STT3B: variants seen among roughly 807,000 people sequenced by gnomAD.
STT3B encodes the protein dolichyl-diphosphooligosaccharide--protein glycosyltransferase subunit STT3B.
A neutral mutation model predicts 96.8 loss-of-function variants in STT3B; 29 were observed. That is an observed-to-expected ratio of 0.30 (90% CI 0.22 to 0.41). The LOEUF is 0.41. Among genes scored for constraint, STT3B ranks in the 10% least tolerant of loss-of-function variants. The pLI, the probability that STT3B is intolerant of heterozygous loss-of-function variation, is 1.00. For missense variants in STT3B, 640 were observed against 1,022.3 expected (o/e 0.63, Z 5.10); for synonymous variants, 367 against 360.0 (o/e 1.02, Z -0.22).
chr3:31,562,244 C>G (rs1697897552), intron 1 of STT3B, among the ~76,000 whole-genome samples: 1 of 152,082 alleles, frequency 6.6e-6, no homozygotes, highest in African/African-American at 2.4e-5. Flanking sequence ...TCCCTGGAAC[C>G]TAAGTGTCTG....
At chr3:31,544,638 C>T (rs1276655159) in intron 1 of STT3B, among the ~76,000 whole-genome samples, 1 of 152,142 alleles carries the variant, frequency 6.6e-6, no homozygotes, top group Non-Finnish European at 1.5e-5. Context: ...AAATCTATTA[C>T]AGTGAGCAGG....
chr3:31,564,506 A>G (rs993138030), intron 1 of STT3B, among the ~76,000 whole-genome samples: 2 of 152,216 alleles, frequency 1.3e-5, no homozygotes, highest in Non-Finnish European at 2.9e-5. Context: ...GGGAATGACA[A>G]TAATATACAT....
intron 2 of STT3B, among the ~76,000 whole-genome samples, chr3:31,576,850 G>A (rs557479790): frequency 8.5e-5 from 13 of 152,050 alleles, no homozygotes; most frequent in African/African-American, 2.7e-4. Flanking sequence ...AGATAGAAAC[G>A]TAGAATAATC....
chr3:31,592,322 T>C (rs1196398916), intron 3 of STT3B, among the ~76,000 whole-genome samples: 1 of 152,244 alleles, frequency 6.6e-6, no homozygotes, highest in Non-Finnish European at 1.5e-5. Flanking sequence ...AATATTCCGT[T>C]GTATGTACAT....
chr3:31,541,472 GTT>G (rs1302731899), intron 1 of STT3B, among the ~76,000 whole-genome samples: 5 of 106,912 alleles, frequency 4.7e-5, no homozygotes, highest in Admixed American at 9.2e-5. Context: ...TTCTTTTTTT[GTT>G]TTTTTTTTTT....
At chr3:31,564,569 A>G (rs755050370) in intron 1 of STT3B, among the ~76,000 whole-genome samples, 6 of 152,246 alleles carry the variant, frequency 3.9e-5, no homozygotes, top group Non-Finnish European at 8.8e-5. Flanking sequence ...TATTTAAGGC[A>G]TAATAACCAC....
chr3:31,569,473 A>C (rs1053970756), intron 1 of STT3B, among the ~76,000 whole-genome samples: 2 of 152,216 alleles, frequency 1.3e-5, no homozygotes, highest in African/African-American at 4.8e-5. Context: ...AATCAGGTTA[A>C]GAGAAGTTGG....
chr3:31,589,810 C>T (rs1162765286), intron 3 of STT3B, among the ~76,000 whole-genome samples: 2 of 151,690 alleles, frequency 1.3e-5, no homozygotes, highest in Non-Finnish European at 2.9e-5. Flanking sequence ...TACTTTTTTC[C>T]CAAACTGTAT....
intron 11 of STT3B, 148 bp from the exon 12 acceptor site, chr3:31,624,764 CTT>C: frequency 2.3e-5 from 11 of 488,188 alleles, no homozygotes; most frequent in Admixed American, 3.6e-5. Flanking sequence ...CATTGTTTCA[CTT>C]TTTTTTTTCT....
At chr3:31,588,940 A>G (rs552078125) in intron 3 of STT3B, among the ~76,000 whole-genome samples, 18 of 152,086 alleles carry the variant, frequency 1.2e-4, no homozygotes, top group African/African-American at 3.4e-4. Context: ...TCTTGTTTCA[A>G]TATCATGTTA....
chr3:31,569,783 T>C (rs1698095824), intron 1 of STT3B, among the ~76,000 whole-genome samples: 2 of 152,138 alleles, frequency 1.3e-5, no homozygotes, highest in Admixed American at 1.3e-4. Context: ...CCTAGCTTTA[T>C]TGGGGGAAAA....
At chr3:31,549,180 T>C (rs1466670143) in intron 1 of STT3B, among the ~76,000 whole-genome samples, 2 of 152,172 alleles carry the variant, frequency 1.3e-5, no homozygotes, top group African/African-American at 4.8e-5. Context: ...GGACTGACTT[T>C]CTTCAGTGTT....
chr3:31,579,231 T>C (rs965480264), intron 2 of STT3B, among the ~76,000 whole-genome samples: 2 of 152,064 alleles, frequency 1.3e-5, no homozygotes, highest in Admixed American at 1.3e-4. Context: ...ACATTATCTC[T>C]GGATTCACCA....
chr3:31,563,674 A>G (rs1424872841), intron 1 of STT3B, among the ~76,000 whole-genome samples: 1 of 152,214 alleles, frequency 6.6e-6, no homozygotes, highest in Non-Finnish European at 1.5e-5. Flanking sequence ...CTTAGCAGAT[A>G]AAAAGTTGAT....
Position 31,626,012 on chromosome 3 carries a change from A to C in STT3B, c.1958A>C (p.Asp653Ala). 6.2e-7 allele frequency: 1 copy of C among 1,613,716 alleles called. No homozygotes were observed. Among genetic ancestry groups the C allele is most frequent in the Non-Finnish European group, 8.5e-7 (1 of 1,179,818 alleles). ...TAAYKIMRTLDVDYVLVIFGG... is the reference protein window; with the variant it reads ...TAAYKIMRTLAVDYVLVIFGG... ...GCCTATAAAATCATGAGGACTCTAG[A>C]TGTAGATTATGTTTTGGTTATTTTT... Residue 653 changes from aspartate (D) to alanine (A), a missense_variant, in exon 13 of 16, where the codon GAT becomes GCT. Asp to Ala is a moderately radical substitution (Grantham distance 126). Coordinates refer to ENST00000295770, the MANE Select transcript of STT3B (RefSeq NM_178862.3).
chr3:31,534,461 T>C (rs1217832400), intron 1 of STT3B, among the ~76,000 whole-genome samples: 3 of 152,236 alleles, frequency 2.0e-5, no homozygotes, highest in Non-Finnish European at 4.4e-5. Context: ...TGTTATCTTA[T>C]TGACCTGTCA....
At chr3:31,618,052 C>G in intron 8 of STT3B, 64 bp downstream of exon 8, 1 of 1,152,474 alleles carries the variant, frequency 8.7e-7, no homozygotes, top group South Asian at 1.2e-5. Context: ...TTGTTTTTAT[C>G]TGTTTTGTCA....
chr3:31,624,421 G>A (rs959302783), intron 11 of STT3B, among the ~76,000 whole-genome samples: 12 of 152,182 alleles, frequency 7.9e-5, no homozygotes, highest in Non-Finnish European at 2.9e-5. Context: ...TGTACACACA[G>A]CATCATCATT....
In STT3B at chr3:31,572,843, G is replaced by A. The variant is rs77866712; in HGVS notation, c.315-3553G>A. On this transcript the variant is annotated intron_variant, in intron 1 of 15. Coordinates refer to ENST00000295770, the MANE Select transcript of STT3B (RefSeq NM_178862.3). ...CTGCACTGCAGAAGCATGGGCAACC[G>A]AAACAAAATTCTCATATGTCCTTTG... Among the ~76,000 whole-genome samples the A allele has an allele frequency of 5.7e-4, 87 of 152,298 alleles. No homozygotes were observed. In the East Asian group the frequency reaches 0.014, roughly 24 times the overall value.
Sources: gnomAD v4.1 joint callset for allele counts (sites outside exome capture counted in the v4.1 genomes callset) on GRCh38, gnomAD v4.1.1 for gene constraint, MANE v1.5 for transcripts, NCBI Gene and HGNC (gene_info 2026-07-23, HGNC 2026-07-21) for gene names.